Variants in CHIA observed in about 807,000 individuals in gnomAD.
The protein encoded by CHIA is acidic mammalian chitinase.
A neutral mutation model predicts 53.5 loss-of-function variants in CHIA; 47 were observed. That is an observed-to-expected ratio of 0.88 (90% CI 0.70 to 1.12). CHIA has a LOEUF of 1.12. Among genes scored for constraint, CHIA ranks in the 50% most tolerant of loss-of-function variants. The pLI, the probability that CHIA is intolerant of heterozygous loss-of-function variation, is 0.00. For synonymous variants in CHIA, 268 were observed against 222.2 expected, an observed-to-expected ratio of 1.21 and a Z score of -1.83; for missense variants, 652 against 592.2, an observed-to-expected ratio of 1.10 and a Z score of -1.05.
intron 1 of CHIA, among the ~76,000 whole-genome samples, chr1:111,294,769 T>G (rs1319371653): frequency 6.6e-6 from 1 of 152,240 alleles, no homozygotes; most frequent in East Asian, 1.9e-4. Flanking sequence ...TGGCAAATAC[T>G]TTTTCTGCAT....
Position 111,314,095 on chromosome 1 carries a change from T to C in CHIA, c.258-445T>C, listed in dbSNP as rs147649410. On this transcript the variant is annotated intron_variant, in intron 4 of 11. Transcript: ENST00000369740. ...TTTCATGTTGTCCTCCCACAACCCT[T>C]GCACTTAATTATTATGTATGTTAAT... is the stretch of plus-strand genomic sequence containing the variant. Among the ~76,000 whole-genome samples the C allele has an allele frequency of 1.0e-3, 157 of 152,314 alleles. 1 individual carries two copies. Among genetic ancestry groups the C allele is most frequent in the Non-Finnish European group, 2.1e-3 (141 of 68,026 alleles).
At chr1:111,319,553 C>T in intron 11 of CHIA, 85 bp downstream of exon 11, 2 of 1,314,182 alleles carry the variant, frequency 1.5e-6, no homozygotes, top group Admixed American at 1.9e-5. Context: ...CCACCTCCCC[C>T]TTGCCCAGGG....
intron 10 of CHIA, 44 bp downstream of exon 10, chr1:111,319,283 C>T (rs767673479): frequency 6.2e-7 from 1 of 1,614,036 alleles, no homozygotes; most frequent in Non-Finnish European, 8.5e-7. Context: ...AGCCCTGAGT[C>T]CCAGGAAAGC....
In CHIA at chr1:111,315,433, C is replaced by A. The variant is rs759687084; in HGVS notation, c.478C>A (p.Gln160Lys). The A allele has an allele frequency of 6.8e-5, 109 of 1,611,584 alleles. No individual in the cohort carries two copies. In the Admixed American group the frequency reaches 1.8e-3, roughly 26 times the overall value. ...CAAGCATCTCTTCACTGTCCTGGTG[C>A]AGGTGGGGAAGGAAGTCCCAGTCTT... ...QDKHLFTVLV[Q>K]EMREAFEQEA... Residue 160 changes from glutamine (Q) to lysine (K), a missense_variant and splice_region_variant, in exon 6 of 12, where the codon CAG becomes AAG. Coordinates refer to ENST00000369740, the MANE Select transcript of CHIA (RefSeq NM_201653.4).
chr1:111,296,713 G>A (rs751908155), intron 1 of CHIA, among the ~76,000 whole-genome samples: 20 of 152,204 alleles, frequency 1.3e-4, no homozygotes, highest in East Asian at 1.9e-4. Context: ...AAAGCTGGAC[G>A]GAGAATATGT....
At chr1:111,295,020 T>G (rs988225755) in intron 1 of CHIA, among the ~76,000 whole-genome samples, 1 of 152,236 alleles carries the variant, frequency 6.6e-6, no homozygotes, top group Non-Finnish European at 1.5e-5. Context: ...GGCTTTGATA[T>G]TACAGTAATG....
intron 10 of CHIA, 22 bp from the exon 11 acceptor site, chr1:111,319,305 G>A: frequency 6.2e-7 from 1 of 1,614,152 alleles, no homozygotes; most frequent in Non-Finnish European, 8.5e-7. Flanking sequence ...AGTGATTCCT[G>A]TTATCCTCTT....
chr1:111,302,484 T>C (rs750366790), intron 1 of CHIA, among the ~76,000 whole-genome samples: 10 of 152,216 alleles, frequency 6.6e-5, no homozygotes, highest in Non-Finnish European at 1.3e-4. Flanking sequence ...TATTTTTAAA[T>C]TTCCCTTATG....
At chr1:111,316,504 A>G (rs1649170190) in intron 6 of CHIA, 1 of 152,198 alleles carries the variant, frequency 6.6e-6, no homozygotes, top group Non-Finnish European at 1.5e-5. Flanking sequence ...ATCAACTGGA[A>G]ATAGGAAATG....
chr1:111,320,541 C>A lies in CHIA; in HGVS notation c.*75C>A, dbSNP rs998722107. 1.5e-6 allele frequency: 2 copies of A among 1,373,414 alleles called. No individual in the cohort carries two copies. Among genetic ancestry groups the A allele is most frequent in the Admixed American group, 1.8e-5 (1 of 55,998 alleles). The allele number at this position is 1,373,414 out of a possible 1,614,324, so 85.1% of individuals were successfully genotyped here. On this transcript the variant is annotated 3_prime_UTR_variant, in exon 12 of 12. Transcript: ENST00000369740. ...CATGTTGCCCCTACCTAAAGTCCTG[C>A]AATAAAATCAGCAGTCAAAACATGA...
chr1:111,310,624 T>A, intron 2 of CHIA, 132 bp downstream of exon 2: 1 of 1,513,462 alleles, frequency 6.6e-7, no homozygotes, highest in Non-Finnish European at 8.8e-7. Context: ...ATTTCAAATT[T>A]CAAATGAATC....
chr1:111,290,961 A>C lies in CHIA; in HGVS notation c.-69+11A>C, dbSNP rs980060201. On this transcript the variant is annotated intron_variant, in intron 1 of 11. Coordinates refer to ENST00000369740, the MANE Select transcript of CHIA (RefSeq NM_201653.4). ...ATCCTCCATAGTCTGGTGAGTGTAA[A>C]TATATATATATCTTTTCCCTTCTCC... 12 of 439,642 alleles carry C rather than the reference A, an allele frequency of 2.7e-5. No individual in the cohort carries two copies. Among genetic ancestry groups the C allele is most frequent in the African/African-American group, 2.1e-4 (10 of 48,720 alleles). 27.2% of individuals were successfully genotyped at this position (439,642 alleles called of 1,614,324 possible).
intron 6 of CHIA, 129 bp downstream of exon 6, chr1:111,315,564 C>A: frequency 1.0e-6 from 1 of 979,914 alleles, no homozygotes; most frequent in Non-Finnish European, 1.5e-6. Flanking sequence ...TGCAAAGAGT[C>A]TTATATATCG....
chr1:111,312,186 A>G lies in CHIA; in HGVS notation c.56-4A>G, dbSNP rs776231839. ...CCATTGTCCCTCCTGCTGACTACACACAGGCTCTGCCTACCAGCTGACATG... is the reference window on the plus strand; with the variant it reads ...CCATTGTCCCTCCTGCTGACTACACGCAGGCTCTGCCTACCAGCTGACATG... On this transcript the variant is annotated splice_polypyrimidine_tract_variant and splice_region_variant and intron_variant, in intron 3 of 11. Coordinates refer to ENST00000369740, the MANE Select transcript of CHIA (RefSeq NM_201653.4). The G allele has an allele frequency of 6.2e-7, 1 of 1,613,378 alleles. No individual in the cohort carries two copies. The highest frequency in any genetic ancestry group is 8.5e-7 in the Non-Finnish European group (1 of 1,179,336).
Position 111,319,109 on chromosome 1 carries a change from AC to A in CHIA, c.916-10del. ...ACATTTAATAGATTTGAATCTCTTG[AC>A]TTTTGAAAGATCTGTACCTTCCTGA... On this transcript the variant is annotated splice_polypyrimidine_tract_variant and intron_variant, in intron 9 of 11. Transcript: ENST00000369740. 6.2e-7 allele frequency: 1 copy of A among 1,605,714 alleles called. No individual in the cohort carries two copies. The highest frequency in any genetic ancestry group is 8.5e-7 in the Non-Finnish European group (1 of 1,177,818).
chr1:111,319,513 T>A, intron 11 of CHIA, 45 bp downstream of exon 11: 1 of 1,596,746 alleles, frequency 6.3e-7, no homozygotes, highest in East Asian at 2.2e-5. Flanking sequence ...ATACCCCTTC[T>A]CCAACTCAAA....
rs570962350 is a variant in CHIA, at chr1:111,301,650, C to T, written c.-68-8750C>T. 4.4e-4 allele frequency among the ~76,000 whole-genome samples: 65 copies of T among 146,106 alleles called. 1 individual carries two copies. Among genetic ancestry groups the T allele is most frequent in the Middle Eastern group, 7.2e-3 (2 of 276 alleles). Reference sequence around the variant, plus strand: ...CTGGGAGGCAGAGCTTGCAGTGAGCCGAGATAGTGCCACTGCACTCCAGCA... The same window carrying T: ...CTGGGAGGCAGAGCTTGCAGTGAGCTGAGATAGTGCCACTGCACTCCAGCA... On this transcript the variant is annotated intron_variant, in intron 1 of 11. Transcript: ENST00000369740.
chr1:111,317,744 G>T lies in CHIA; in HGVS notation c.544G>T (p.Ala182Ser). ...QINKPRLMVT[A>S]AVAAGISNIQ... ...CAACAAGCCCAGGCTGATGGTCACT[G>T]CTGCAGTAGCTGCTGGCATCTCCAA... Residue 182 changes from alanine (A) to serine (S), a missense_variant, in exon 7 of 12, where the codon GCT becomes TCT. Ala to Ser is a moderately conservative substitution (Grantham distance 99). Coordinates refer to ENST00000369740, the MANE Select transcript of CHIA (RefSeq NM_201653.4). 1 of 1,613,922 alleles carries T rather than the reference G, an allele frequency of 6.2e-7. No homozygotes were observed. The highest frequency in any genetic ancestry group is 1.1e-5 in the South Asian group (1 of 91,076).
At chr1:111,298,127 T>C (rs1647356768) in intron 1 of CHIA, among the ~76,000 whole-genome samples, 1 of 152,118 alleles carries the variant, frequency 6.6e-6, no homozygotes, top group Non-Finnish European at 1.5e-5. Flanking sequence ...AGACTTAGAC[T>C]CCCACACAAT....
Sources: gnomAD v4.1 joint callset for allele counts (sites outside exome capture counted in the v4.1 genomes callset) on GRCh38, gnomAD v4.1.1 for gene constraint, MANE v1.5 for transcripts, NCBI Gene and HGNC (gene_info 2026-07-23, HGNC 2026-07-21) for gene names.